The following STAC variants were observed in gnomAD, a reference collection of about 807,000 sequenced individuals.
STAC encodes the protein SH3 and cysteine-rich domain-containing protein.
Under a neutral mutation model 48.8 loss-of-function variants are expected in STAC, and 43 were observed. The ratio of observed to expected loss-of-function variants is 0.88; its 90% confidence interval spans 0.69 to 1.14. The LOEUF (loss-of-function observed/expected upper bound fraction) is 1.14, where lower values mean the gene tolerates loss of function less well. Among genes scored for constraint, STAC ranks in the 50% most tolerant of loss-of-function variants. STAC has a pLI of 0.00. For synonymous variants in STAC, 193 were observed against 179.5 expected (o/e 1.07, Z -0.60); for missense variants, 497 against 504.0 (o/e 0.99, Z 0.13).
intron 1 of STAC, among the ~76,000 whole-genome samples, chr3:36,442,520 G>T (rs1696376520): frequency 6.6e-6 from 1 of 152,092 alleles, no homozygotes; most frequent in Non-Finnish European, 1.5e-5. Flanking sequence ...TGTCATCAGA[G>T]TCCAGAATCT....
At chr3:36,408,739 A>C (rs1444735189) in intron 1 of STAC, among the ~76,000 whole-genome samples, 1 of 152,194 alleles carries the variant, frequency 6.6e-6, no homozygotes, top group Admixed American at 6.5e-5. Context: ...GAGGAAGGCA[A>C]AGTAAAAGAA....
intron 1 of STAC, 128 bp downstream of exon 1, chr3:36,380,882 G>GGACTTGAACGTCTGGTAGGACCCGCCGA (rs1699494987): frequency 1.0e-5 from 5 of 498,744 alleles, no homozygotes; most frequent in Non-Finnish European, 1.7e-5. Context: ...CAGGGCTGTA[G>GGACTTGAACGTCTGGTAGGACCCGCCGA]GACTTGAACG....
chr3:36,463,521 T>A lies in STAC; in HGVS notation c.389-19471T>A, dbSNP rs63415260. Among the ~76,000 whole-genome samples the A allele has an allele frequency of 1.5e-3, 225 of 150,750 alleles. 1 individual carries two copies. Among genetic ancestry groups the A allele is most frequent in the African/African-American group, 5.1e-3 (209 of 41,084 alleles). On this transcript the variant is annotated intron_variant, in intron 2 of 10. Transcript: ENST00000273183. ...TTTTGGTAGTTTTTCTTTTTTTTTT[T>A]AATTATACTTTAAGTTTTCGGGTAC...
intron 1 of STAC, among the ~76,000 whole-genome samples, chr3:36,436,764 A>T (rs1377737148): frequency 6.6e-6 from 1 of 152,142 alleles, no homozygotes; most frequent in African/African-American, 2.4e-5. Flanking sequence ...TAGACCTTAA[A>T]ATTGACAAAT....
At chr3:36,545,525 C>A (rs1420677210) in intron 10 of STAC, among the ~76,000 whole-genome samples, 2 of 152,208 alleles carry the variant, frequency 1.3e-5, no homozygotes, top group Non-Finnish European at 2.9e-5. Flanking sequence ...CACAACACAA[C>A]AATAGTTCTG....
At chr3:36,488,715 G>A (rs1559510887) in intron 5 of STAC, among the ~76,000 whole-genome samples, 1 of 152,080 alleles carries the variant, frequency 6.6e-6, no homozygotes, top group Non-Finnish European at 1.5e-5. Flanking sequence ...GATACCCTTA[G>A]TATTTATCAC....
intron 2 of STAC, among the ~76,000 whole-genome samples, chr3:36,457,989 G>A (rs1696899122): frequency 6.6e-6 from 1 of 152,122 alleles, no homozygotes; most frequent in African/African-American, 2.4e-5. Flanking sequence ...ATCAACAGAG[G>A]CATTTATAAA....
chr3:36,509,564 C>CA (rs555691959), intron 8 of STAC, among the ~76,000 whole-genome samples: 284 of 148,446 alleles, frequency 1.9e-3, no homozygotes, highest in African/African-American at 6.7e-3. Flanking sequence ...TTGGTCTTTT[C>CA]CATAGTCCCA....
intron 2 of STAC, among the ~76,000 whole-genome samples, chr3:36,474,562 C>A (rs1056625004): frequency 6.6e-5 from 10 of 152,056 alleles, no homozygotes; most frequent in Admixed American, 2.0e-4. Flanking sequence ...TTGTGTAGAC[C>A]CAGACCCTAG....
chr3:36,394,459 A>G (rs1484387453), intron 1 of STAC, among the ~76,000 whole-genome samples: 1 of 152,206 alleles, frequency 6.6e-6, no homozygotes, highest in Non-Finnish European at 1.5e-5. Context: ...TCTGGACAGT[A>G]CATTACTCAC....
chr3:36,386,121 A>G (rs1287402028), intron 1 of STAC, among the ~76,000 whole-genome samples: 1 of 151,690 alleles, frequency 6.6e-6, no homozygotes, highest in Non-Finnish European at 1.5e-5. Context: ...ACTTCAATCC[A>G]CTCTTTGTGC....
At position 36,477,594 on chromosome 3, in the gene STAC, A is replaced by C. The variant is rs186532270; in HGVS notation, c.389-5398A>C. On this transcript the variant is annotated intron_variant, in intron 2 of 10. Transcript: ENST00000273183. ...TATGTACAGATGTCTTTGTGCTCCA[A>C]TATTTGGCTCTCTGTGGACAGCTTG... 1.1e-3 allele frequency among the ~76,000 whole-genome samples: 167 copies of C among 152,296 alleles called. No individual in the cohort carries two copies. The South Asian group carries it at 0.02, about 18-fold the overall frequency.
At chr3:36,489,629 T>C (rs944689397) in intron 5 of STAC, among the ~76,000 whole-genome samples, 3 of 152,356 alleles carry the variant, frequency 2.0e-5, no homozygotes, top group South Asian at 2.1e-4. Flanking sequence ...CCTCCTTAAA[T>C]GCAAGGATTC....
chr3:36,409,023 T>C (rs1700139319), intron 1 of STAC, among the ~76,000 whole-genome samples: 1 of 152,148 alleles, frequency 6.6e-6, no homozygotes, highest in African/African-American at 2.4e-5. Flanking sequence ...TTAATGATGA[T>C]GATGATAATG....
rs758590167 is a variant in STAC at position 36,476,185 on chromosome 3, A to T, written c.389-6807A>T. The stretch of plus-strand genomic sequence containing the variant: ...CCTGATGGACAGTGATGTACTTTGT[A>T]CCAAGCACTTCACTGACCACAGGGA... On this transcript the variant is annotated intron_variant, in intron 2 of 10. Coordinates refer to ENST00000273183, the MANE Select transcript of STAC (RefSeq NM_003149.3). Among the ~76,000 whole-genome samples, 5 of 152,314 alleles carry T rather than the reference A, an allele frequency of 3.3e-5. No individual in the cohort carries two copies. The South Asian group carries it at 6.2e-4, about 19-fold the overall frequency.
At chr3:36,531,653 C>T (rs886965772) in intron 10 of STAC, among the ~76,000 whole-genome samples, 4 of 152,126 alleles carry the variant, frequency 2.6e-5, no homozygotes, top group African/African-American at 9.7e-5. Context: ...CTAATGGTAC[C>T]AGATGCCCCA....
intron 4 of STAC, 172 bp from the exon 5 acceptor site, chr3:36,485,962 T>G (rs1037021526): frequency 6.9e-6 from 4 of 581,614 alleles, no homozygotes; most frequent in African/African-American, 5.6e-5. Context: ...GCATGCTGGG[T>G]GGGGGTGCAT....
Position 36,546,180 on chromosome 3 carries a change from T to G in STAC, c.1111-11T>G. 1.2e-6 allele frequency: 2 copies of G among 1,612,484 alleles called. No homozygotes were observed. Among genetic ancestry groups the G allele is most frequent in the East Asian group, 2.2e-5 (1 of 44,844 alleles). ...TAAAGTATTTTGTTTTTTTTCTTCC[T>G]TGGCATTCAGATCTGCGTGAGTTCT... On this transcript the variant is annotated splice_polypyrimidine_tract_variant and intron_variant, in intron 10 of 10. Transcript: ENST00000273183.
intron 2 of STAC, among the ~76,000 whole-genome samples, chr3:36,467,619 GATTATCC>G (rs1477820805): frequency 6.6e-6 from 1 of 151,994 alleles, no homozygotes; most frequent in Non-Finnish European, 1.5e-5. Context: ...AGGTTTTCTA[GATTATCC>G]ACATAAAGGC....
Sources: allele counts gnomAD v4.1 joint callset (sites outside exome capture counted in the v4.1 genomes callset), GRCh38; gene constraint gnomAD v4.1.1; transcripts MANE v1.5; gene names NCBI Gene and HGNC (gene_info 2026-07-23, HGNC 2026-07-21).